KIAA1549: variants seen among roughly 807,000 people sequenced by gnomAD.
KIAA1549 encodes KIAA1549.
A neutral mutation model predicts 156.4 loss-of-function variants in KIAA1549; 70 were observed. The observed-to-expected ratio is 0.45, with a 90% CI of 0.37 to 0.55. The LOEUF (loss-of-function observed/expected upper bound fraction) is 0.55, where lower values mean the gene tolerates loss of function less well. Ranked by LOEUF, KIAA1549 falls within the 20% of genes least tolerant of loss-of-function variation. The pLI, the probability that KIAA1549 is intolerant of heterozygous loss-of-function variation, is 0.00. For missense variants in KIAA1549, 2,428 were observed against 2,540.9 expected, an observed-to-expected ratio of 0.96 and a Z score of 0.96; for synonymous variants, 1,103 against 1,066.4, an observed-to-expected ratio of 1.03 and a Z score of -0.67.
intron 12 of KIAA1549, among the ~76,000 whole-genome samples, chr7:138,872,360 G>GAAAA (rs35756099): frequency 2.9e-5 from 3 of 104,110 alleles, no homozygotes; most frequent in African/African-American, 1.0e-4. Context: ...TCAGAACTGT[G>GAAAA]AAAAAAAAAA....
Position 138,942,923 on chromosome 7 carries a change from G to T in KIAA1549, c.188-23485C>A, listed in dbSNP as rs1236189769. Reference sequence around the variant, plus strand: ...GACTCCGTCTCAAAAAAAAAAAAAAGTAAGCTGGAGGTTGGACCAGAAGCA... The same window carrying T: ...GACTCCGTCTCAAAAAAAAAAAAAATTAAGCTGGAGGTTGGACCAGAAGCA... On this transcript the variant is annotated intron_variant, in intron 1 of 19. Transcript: ENST00000422774. Among the ~76,000 whole-genome samples, 174 of 144,138 alleles carry T rather than the reference G, an allele frequency of 1.2e-3. 2 individuals carry two copies. The highest frequency in any genetic ancestry group is 4.4e-3 in the African/African-American group (171 of 38,614). The allele number at this position is 144,138 out of a possible 152,430, so 94.6% of individuals were successfully genotyped here.
intron 1 of KIAA1549, among the ~76,000 whole-genome samples, chr7:138,941,429 C>T (rs2774961): frequency 0.27 from 40,367 of 152,068 alleles, 6,689 homozygotes; most frequent in African/African-American, 0.47. Context: ...ATTACAGCAC[C>T]TTTCCAAAGA....
chr7:138,870,405 T>C (rs906902356), intron 13 of KIAA1549, among the ~76,000 whole-genome samples: 1 of 152,190 alleles, frequency 6.6e-6, no homozygotes, highest in Admixed American at 6.5e-5. Context: ...TAAAGAGACA[T>C]CTGATAACCA....
chr7:138,957,611 G>T (rs1813706521), intron 1 of KIAA1549, among the ~76,000 whole-genome samples: 1 of 151,986 alleles, frequency 6.6e-6, no homozygotes, highest in African/African-American at 2.4e-5. Context: ...CAGAGTAGAT[G>T]GGACTACAGG....
chr7:138,889,604 G>GT (rs1315377565), intron 10 of KIAA1549, among the ~76,000 whole-genome samples: 1 of 152,116 alleles, frequency 6.6e-6, no homozygotes, highest in Non-Finnish European at 1.5e-5. Flanking sequence ...AAACTGACTG[G>GT]TTTTTTTCTG....
chr7:138,864,854 G>A (rs1375354891), intron 15 of KIAA1549, among the ~76,000 whole-genome samples: 1 of 152,206 alleles, frequency 6.6e-6, no homozygotes, highest in Non-Finnish European at 1.5e-5. Context: ...CATATAGTCT[G>A]TCACAACCAC....
At chr7:138,977,716 T>C (rs1814422118) in intron 1 of KIAA1549, among the ~76,000 whole-genome samples, 1 of 151,644 alleles carries the variant, frequency 6.6e-6, no homozygotes, top group South Asian at 2.1e-4. Flanking sequence ...CCTTTTTTTT[T>C]TGAGACGGAG....
At chr7:138,839,981 G>A (rs954879418) in intron 19 of KIAA1549, among the ~76,000 whole-genome samples, 152 bp downstream of exon 19, 6 of 151,414 alleles carry the variant, frequency 4.0e-5, no homozygotes, top group Admixed American at 1.3e-4. Flanking sequence ...TAGTAGAGAC[G>A]GGATTTCACT....
chr7:138,968,492 T>C (rs1027267799), intron 1 of KIAA1549, among the ~76,000 whole-genome samples: 1 of 152,188 alleles, frequency 6.6e-6, no homozygotes, highest in Non-Finnish European at 1.5e-5. Flanking sequence ...AGAGGTCAGA[T>C]AGTCAACAGA....
intron 1 of KIAA1549, among the ~76,000 whole-genome samples, chr7:138,958,872 T>C (rs1347435606): frequency 6.6e-6 from 1 of 151,072 alleles, no homozygotes; most frequent in Non-Finnish European, 1.5e-5. Context: ...TTTTGCACTA[T>C]AGCCCAAAGG....
chr7:138,978,004 G>A (rs1467578889), intron 1 of KIAA1549, among the ~76,000 whole-genome samples: 1 of 152,130 alleles, frequency 6.6e-6, no homozygotes, highest in East Asian at 1.9e-4. Flanking sequence ...ATGGCCAGCA[G>A]AGCCTTCTCT....
At chr7:138,889,206 C>T (rs77731415) in intron 10 of KIAA1549, among the ~76,000 whole-genome samples, 350 of 152,318 alleles carry the variant, frequency 2.3e-3, no homozygotes, top group African/African-American at 7.9e-3. Context: ...TACAGATGGC[C>T]TCCCCTAAGT....
At chr7:138,936,950 A>T (rs1282605673) in intron 1 of KIAA1549, among the ~76,000 whole-genome samples, 1 of 152,074 alleles carries the variant, frequency 6.6e-6, no homozygotes, top group East Asian at 1.9e-4. Flanking sequence ...TAACGTGCAG[A>T]GCTGATCAAT....
intron 17 of KIAA1549, among the ~76,000 whole-genome samples, chr7:138,848,944 G>A (rs1223287058): frequency 1.3e-5 from 2 of 152,088 alleles, no homozygotes; most frequent in Non-Finnish European, 2.9e-5. Flanking sequence ...TGTTGCCTGG[G>A]GTAGTTTCAA....
chr7:138,865,337 T>C (rs1563054291), intron 15 of KIAA1549, among the ~76,000 whole-genome samples: 1 of 151,940 alleles, frequency 6.6e-6, no homozygotes, highest in African/African-American at 2.4e-5. Context: ...CTCTTGGCCT[T>C]AGGAGAACAC....
rs1267270666 is a variant in KIAA1549 at position 138,981,283 on chromosome 7, C to T, written c.-14G>A. On this transcript the variant is annotated 5_prime_UTR_variant, in exon 1 of 20. Transcript: ENST00000422774. The surrounding 1 kb of genome is among the most constrained non-coding windows in gnomAD (Gnocchi z 4.5). ...CGCCCCCGGCATTCCCGGCCGGCGC[C>T]CCGGCCCGGCCTCGCGGCTCAGCGG... is the stretch of plus-strand genomic sequence containing the variant. 8 of 967,336 alleles carry T rather than the reference C, an allele frequency of 8.3e-6. No individual in the cohort carries two copies. Among genetic ancestry groups the T allele is most frequent in the Non-Finnish European group, 9.8e-6 (8 of 816,298 alleles). The allele number at this position is 967,336 out of a possible 1,614,324, so 59.9% of individuals were successfully genotyped here. A position where few individuals can be genotyped will look rare whatever the true frequency, so the allele number is the denominator to read the frequency against.
At chr7:138,892,284 G>A (rs756067882) in intron 10 of KIAA1549, among the ~76,000 whole-genome samples, 5 of 152,172 alleles carry the variant, frequency 3.3e-5, no homozygotes, top group Non-Finnish European at 7.4e-5. Context: ...CCCAAGAGAC[G>A]CTGTGCTCTG....
intron 17 of KIAA1549, among the ~76,000 whole-genome samples, chr7:138,846,396 G>A (rs767225485): frequency 2.6e-5 from 4 of 151,988 alleles, no homozygotes; most frequent in Admixed American, 6.6e-5. Flanking sequence ...TTAGCCAGGC[G>A]TGGTGGCGCG....
In KIAA1549 at chr7:138,835,536, C is replaced by T. The variant is rs1297877400; in HGVS notation, c.*2370G>A. The T allele has an allele frequency of 1.3e-5, 3 of 224,046 alleles. No individual in the cohort carries two copies. The South Asian group carries it at 5.5e-4, about 41-fold the overall frequency. The allele number at this position is 224,046 out of a possible 1,614,324, so 13.9% of individuals were successfully genotyped here. A position where few individuals can be genotyped will look rare whatever the true frequency, so the allele number is the denominator to read the frequency against. ...AAAGGAGGTTACCATTTTTAGCACA[C>T]TCTATGTGCAAGCCTGTATGGCCCT... On this transcript the variant is annotated 3_prime_UTR_variant, in exon 20 of 20. Coordinates refer to ENST00000422774, the MANE Select transcript of KIAA1549 (RefSeq NM_001164665.2).
Sources: allele counts gnomAD v4.1 joint callset (sites outside exome capture counted in the v4.1 genomes callset), GRCh38; gene constraint gnomAD v4.1.1; non-coding constraint Gnocchi (gnomAD v3.1); transcripts MANE v1.5; gene names NCBI Gene and HGNC (gene_info 2026-07-23, HGNC 2026-07-21).